FAM20A: variants seen among roughly 807,000 people sequenced by gnomAD.
FAM20A encodes FAM20A golgi associated secretory pathway pseudokinase.
In FAM20A, 42 loss-of-function variants were observed where a neutral mutation model predicts 52.0. The observed-to-expected ratio is 0.81, with a 90% CI of 0.63 to 1.04. The LOEUF is 1.04. Among genes scored for constraint, FAM20A ranks in the 50% least tolerant of loss-of-function variants. The pLI, the probability that FAM20A is intolerant of heterozygous loss-of-function variation, is 0.00. For synonymous variants in FAM20A, 304 were observed against 298.9 expected (o/e 1.02, Z -0.18); for missense variants, 742 against 712.7 (o/e 1.04, Z -0.47).
Position 68,600,384 on chromosome 17 carries a change from G to A in FAM20A, c.283C>T (p.Leu95Phe). Residue 95 changes from leucine (L) to phenylalanine (F), a missense_variant, in exon 1 of 11, where the codon CTC becomes TTC. Physicochemically the swap from Leu to Phe is conservative, Grantham distance 22. Coordinates refer to ENST00000592554, the MANE Select transcript of FAM20A (RefSeq NM_017565.4). The surrounding 1 kb of genome is among the most constrained non-coding windows in gnomAD (Gnocchi z 6.2). ...ACGTTGTACAGCGGGTGGGCGAAGA[G>A]GGCCTGCAACTTGGAGCTCGACCCG... is the stretch of plus-strand genomic sequence containing the variant. ...HSGSSSKLQA[L>F]FAHPLYNVPE... The A allele has an allele frequency of 6.2e-7, 1 of 1,608,008 alleles. No individual in the cohort carries two copies.
In FAM20A at chr17:68,600,043, A is replaced by G. The variant is rs2088567364; in HGVS notation, c.404+220T>C. Among the ~76,000 whole-genome samples the G allele has an allele frequency of 6.6e-6, 1 of 152,100 alleles. No individual in the cohort carries two copies. The highest frequency in any genetic ancestry group is 1.5e-5 in the Non-Finnish European group (1 of 67,996). On this transcript the variant is annotated intron_variant, in intron 1 of 10. Coordinates refer to ENST00000592554, the MANE Select transcript of FAM20A (RefSeq NM_017565.4). This position sits in a 1 kb window ranked among gnomAD's most constrained non-coding sequence, Gnocchi z 6.2. ...TCTTCGCTGTGCGGCTGCAATAGAA[A>G]CTTTTTCCTCGTACTATCTGACTCC...
chr17:68,539,733 AGAAG>A, intron 9 of FAM20A, 148 bp downstream of exon 9: 2 of 743,338 alleles, frequency 2.7e-6, no homozygotes, highest in South Asian at 1.6e-5. Flanking sequence ...GTAAAGAGAA[AGAAG>A]GAAATGGAAG....
intron 1 of FAM20A, among the ~76,000 whole-genome samples, chr17:68,561,339 A>C (rs1325251195): frequency 6.6e-6 from 1 of 152,184 alleles, no homozygotes; most frequent in African/African-American, 2.4e-5. Context: ...GTATGGGTTC[A>C]CCTTTCTTCC....
Position 68,542,077 on chromosome 17 carries a change from G to A in FAM20A, c.1017C>T (p.Ser339=). Reference sequence around the variant, plus strand: ...TGAGGGACGGCAGGAAGGCAGAGAGGGAACCCTCCAGCAGGTGTGGGTTGC... The same window carrying A: ...TGAGGGACGGCAGGAAGGCAGAGAGAGAACCCTCCAGCAGGTGTGGGTTGC... ...VCGNPHLLEG[S]LSAFLPSLNL... Residue 339 remains serine (S), a synonymous_variant, in exon 7 of 11, where the codon TCC becomes TCT. Coordinates refer to ENST00000592554, the MANE Select transcript of FAM20A (RefSeq NM_017565.4). 1 of 1,613,958 alleles carries A rather than the reference G, an allele frequency of 6.2e-7. No homozygotes were observed. Among genetic ancestry groups the A allele is most frequent in the Non-Finnish European group, 8.5e-7 (1 of 1,179,858 alleles).
chr17:68,594,202 G>T (rs1598085309), intron 1 of FAM20A, among the ~76,000 whole-genome samples: 1 of 152,310 alleles, frequency 6.6e-6, no homozygotes, highest in East Asian at 1.9e-4. Flanking sequence ...ACGAGGTCAG[G>T]AGATCGAGAC....
intron 1 of FAM20A, among the ~76,000 whole-genome samples, chr17:68,593,110 T>C (rs1380214985): frequency 6.6e-6 from 1 of 152,224 alleles, no homozygotes; most frequent in Non-Finnish European, 1.5e-5. Flanking sequence ...ATTAAGTGCA[T>C]ATGTGTGTGC....
At chr17:68,578,604 G>T (rs1481449129) in intron 1 of FAM20A, among the ~76,000 whole-genome samples, 1 of 152,046 alleles carries the variant, frequency 6.6e-6, no homozygotes, top group Non-Finnish European at 1.5e-5. Context: ...CTGGGCCTTT[G>T]TGTTCCTTGC....
chr17:68,560,316 G>A (rs2087174502), intron 1 of FAM20A, among the ~76,000 whole-genome samples: 2 of 149,698 alleles, frequency 1.3e-5, no homozygotes, highest in South Asian at 4.3e-4. Flanking sequence ...CTGCACTCTG[G>A]CCTGGCGACA....
chr17:68,581,433 T>TTCTC (rs2087980238), intron 1 of FAM20A, among the ~76,000 whole-genome samples: 2 of 133,052 alleles, frequency 1.5e-5, no homozygotes, highest in Admixed American at 7.7e-5. Context: ...TTTTCTTTCT[T>TTCTC]TCTTTTCTTT....
chr17:68,537,049 A>AGGCC lies in FAM20A; in HGVS notation c.*424_*427dup. 1 of 456,664 alleles carries AGGCC rather than the reference A, an allele frequency of 2.2e-6. No individual in the cohort carries two copies. The highest frequency in any genetic ancestry group is 2.3e-5 in the Admixed American group (1 of 42,646). 28.3% of individuals were successfully genotyped at this position (456,664 alleles called of 1,614,324 possible). ...TGCAGATTTTTAGTCAGCTTGTGAT[A>AGGCC]GGCCAGGTGTTTTGTCTGGACCAGG... On this transcript the variant is annotated 3_prime_UTR_variant, in exon 11 of 11. Coordinates refer to ENST00000592554, the MANE Select transcript of FAM20A (RefSeq NM_017565.4). This position sits in a 1 kb window ranked among gnomAD's most constrained non-coding sequence, Gnocchi z 4.2.
intron 4 of FAM20A, among the ~76,000 whole-genome samples, chr17:68,545,765 G>C (rs921116200): frequency 6.6e-6 from 1 of 152,200 alleles, no homozygotes; most frequent in Non-Finnish European, 1.5e-5. Flanking sequence ...TATCAACTAA[G>C]TTTGCATAAT....
At chr17:68,582,939 A>G (rs1230759738) in intron 1 of FAM20A, among the ~76,000 whole-genome samples, 2 of 149,938 alleles carry the variant, frequency 1.3e-5, no homozygotes, top group Non-Finnish European at 3.0e-5. Context: ...AGCTGGGATT[A>G]CAGGCACACA....
At chr17:68,541,078 G>A in intron 7 of FAM20A, 120 bp from the exon 8 acceptor site, 6 of 1,470,288 alleles carry the variant, frequency 4.1e-6, no homozygotes, top group Non-Finnish European at 5.5e-6. Context: ...TGGGCTGGTG[G>A]CAGCTTCTAA....
chr17:68,580,724 T>C (rs2087919765), intron 1 of FAM20A, among the ~76,000 whole-genome samples: 1 of 152,204 alleles, frequency 6.6e-6, no homozygotes, highest in South Asian at 2.1e-4. Context: ...GGGCCTACAG[T>C]GTGAATGAGG....
intron 1 of FAM20A, among the ~76,000 whole-genome samples, chr17:68,569,270 G>C (rs1304640983): frequency 6.6e-6 from 1 of 152,030 alleles, no homozygotes; most frequent in Non-Finnish European, 1.5e-5. Context: ...GAATTGTGTA[G>C]ATGTTACCTC....
rs765210918 is a variant in FAM20A at position 68,539,910 on chromosome 17, G to C, written c.1276C>G (p.Leu426Val). ...MFTKFGDDGF[L>V]IHLDNARGFG... ...CCTCTGGCGTTGTCAAGGTGAATAA[G>C]GAACCCATCATCCCCGAACTTGGTG... Residue 426 changes from leucine (L) to valine (V), a missense_variant, in exon 9 of 11, where the codon CTT (leucine) becomes GTT (valine). By Grantham distance (32) the Leu-to-Val change is conservative. Coordinates refer to ENST00000592554, the MANE Select transcript of FAM20A (RefSeq NM_017565.4). The C allele has an allele frequency of 3.1e-6, 5 of 1,614,168 alleles. No homozygotes were observed. The highest frequency in any genetic ancestry group is 3.4e-6 in the Non-Finnish European group (4 of 1,180,040).
chr17:68,551,453 G>A (rs975157989), intron 4 of FAM20A: 4 of 233,038 alleles, frequency 1.7e-5, no homozygotes, highest in African/African-American at 9.0e-5. Context: ...CAATTAAAGT[G>A]GTGGAGTGTG....
intron 1 of FAM20A, among the ~76,000 whole-genome samples, chr17:68,571,983 CATACATATATATATAT>C (rs2087553922): frequency 9.1e-5 from 2 of 22,096 alleles, no homozygotes; most frequent in African/African-American, 1.7e-4. Flanking sequence ...TGTGTATATA[CATACATATATATATAT>C]ATATATATAT....
intron 1 of FAM20A, among the ~76,000 whole-genome samples, chr17:68,572,474 G>C (rs2087591331): frequency 2.6e-5 from 4 of 152,166 alleles, no homozygotes; most frequent in Admixed American, 2.6e-4. Flanking sequence ...GACCATCAGA[G>C]CAGTAACACT....
Sources: allele counts gnomAD v4.1 joint callset (sites outside exome capture counted in the v4.1 genomes callset), GRCh38; gene constraint gnomAD v4.1.1; non-coding constraint Gnocchi (gnomAD v3.1); transcripts MANE v1.5; gene names NCBI Gene and HGNC (gene_info 2026-07-23, HGNC 2026-07-21).